Variants in RASAL1 observed in about 807,000 individuals in gnomAD.
RASAL1 encodes the protein rasGAP-activating-like protein 1.
RASAL1 carries 72 observed loss-of-function variants against 96.6 expected under a neutral mutation model. That is an observed-to-expected ratio of 0.75 (90% CI 0.62 to 0.91). The LOEUF is 0.91. RASAL1 is among the 40% of genes least tolerant of loss of function. The pLI is 0.00. For missense variants in RASAL1, 1,016 were observed against 1,072.5 expected, an observed-to-expected ratio of 0.95 and a Z score of 0.74; for synonymous variants, 405 against 430.4, an observed-to-expected ratio of 0.94 and a Z score of 0.73.
chr12:113,105,797 G>A lies in RASAL1; in HGVS notation c.1747C>T (p.Leu583=). Reference sequence around the variant, plus strand: ...TTCTTGAAGGCAAAGCGCGTGGCCAGGCCGGCAGGCTCCTCCTTGCGCTTC... The same window carrying A: ...TTCTTGAAGGCAAAGCGCGTGGCCAAGCCGGCAGGCTCCTCCTTGCGCTTC... ...LLKRKEEPAG[L]ATRFAFKKRY... Residue 583 remains leucine (L), a synonymous_variant, in exon 16 of 21, where the codon CTG becomes TTG. Coordinates refer to ENST00000548055, the MANE Select transcript of RASAL1 (RefSeq NM_001301202.2). 6.2e-7 allele frequency: 1 copy of A among 1,614,198 alleles called. No individual in the cohort carries two copies. Among genetic ancestry groups the A allele is most frequent in the Non-Finnish European group, 8.5e-7 (1 of 1,180,022 alleles).
At position 113,122,601 on chromosome 12, in the gene RASAL1, A is replaced by AGGCAGGAGCCACTATGCCCAG. The variant is rs550525896; in HGVS notation, c.299-984_299-964dup. ...TGGCCTCCCAAAGTTCTGGGATTAC[A>AGGCAGGAGCCACTATGCCCAG]GGCAGGAGCCACTATGCCCAGGCTT... On this transcript the variant is annotated intron_variant, in intron 4 of 20. Transcript: ENST00000548055. Among the ~76,000 whole-genome samples, 610 of 152,336 alleles carry AGGCAGGAGCCACTATGCCCAG rather than the reference A, an allele frequency of 4.0e-3. 4 individuals are homozygous for AGGCAGGAGCCACTATGCCCAG. The highest frequency in any genetic ancestry group is 0.014 in the African/African-American group (573 of 41,556).
At chr12:113,131,090 G>A (rs1951691365) in intron 1 of RASAL1, 149 bp from the exon 2 acceptor site, 1 of 617,750 alleles carries the variant, frequency 1.6e-6, no homozygotes, top group Non-Finnish European at 2.9e-6. Context: ...CTCAGAAGTA[G>A]AACCTTAGGG....
intron 16 of RASAL1, 133 bp downstream of exon 16, chr12:113,105,581 G>T: frequency 1.0e-6 from 1 of 977,350 alleles, no homozygotes; most frequent in Non-Finnish European, 1.5e-6. Context: ...CTGAGAGTTT[G>T]TCGTTGTTAA....
chr12:113,121,458 C>T (rs1951291009), intron 5 of RASAL1, 51 bp downstream of exon 5: 3 of 1,608,892 alleles, frequency 1.9e-6, no homozygotes, highest in Non-Finnish European at 2.5e-6. Flanking sequence ...ACCCAGGGGA[C>T]TCCTGCTCAT....
rs112977155 is a variant in RASAL1, at chr12:113,104,904, A to C, written c.1831-606T>G. Among the ~76,000 whole-genome samples the C allele has an allele frequency of 2.6e-3, 399 of 152,344 alleles. 2 individuals are homozygous for C. Among genetic ancestry groups the C allele is most frequent in the African/African-American group, 9.2e-3 (381 of 41,586 alleles). On this transcript the variant is annotated intron_variant, in intron 16 of 20. Transcript: ENST00000548055. ...CGATTCCAAGCACTTTACATTGATC[A>C]ACTTATTTAATTATCACAACAAACT...
At chr12:113,122,682 A>G (rs1951341962) in intron 4 of RASAL1, among the ~76,000 whole-genome samples, 1 of 152,180 alleles carries the variant, frequency 6.6e-6, no homozygotes, top group Non-Finnish European at 1.5e-5. Flanking sequence ...GTTTCATCAC[A>G]ATGTGTCTAG....
chr12:113,126,065 A>T (rs1179845959), intron 4 of RASAL1, among the ~76,000 whole-genome samples: 1 of 152,136 alleles, frequency 6.6e-6, no homozygotes, highest in Non-Finnish European at 1.5e-5. Flanking sequence ...CAGATGGATC[A>T]CTCGAAGTCA....
chr12:113,099,909 G>A lies in RASAL1; in HGVS notation c.*20C>T, dbSNP rs144567747. ...CCCCCTGGCTCTTGCTCCTCCTTCC[G>A]GGCTAGCTCTGGCATTTCCTTAGGG... On this transcript the variant is annotated 3_prime_UTR_variant, in exon 21 of 21. Coordinates refer to ENST00000548055, the MANE Select transcript of RASAL1 (RefSeq NM_001301202.2). 6.4e-5 allele frequency: 102 copies of A among 1,601,358 alleles called. No homozygotes were observed. The highest frequency in any genetic ancestry group is 1.3e-4 in the East Asian group (6 of 44,626).
chr12:113,124,548 T>C (rs1951414871), intron 4 of RASAL1, among the ~76,000 whole-genome samples: 1 of 152,220 alleles, frequency 6.6e-6, no homozygotes, highest in African/African-American at 2.4e-5. Context: ...GGGAGGATGT[T>C]TGAGGTACAC....
intron 13 of RASAL1, among the ~76,000 whole-genome samples, chr12:113,109,036 TGTGTGTG>T (rs769496658): frequency 0.36 from 15,568 of 43,848 alleles, 988 homozygotes; most frequent in Middle Eastern, 0.46. Flanking sequence ...TAGGTTTTTT[TGTGTGTG>T]TTTTTTTTTT....
intron 14 of RASAL1, 27 bp from the exon 15 acceptor site, chr12:113,107,268 G>A: frequency 6.4e-7 from 1 of 1,566,626 alleles, no homozygotes; most frequent in Non-Finnish European, 8.7e-7. Flanking sequence ...AGGGATGCCG[G>A]GGCCAAGGTC....
intron 13 of RASAL1, 141 bp from the exon 14 acceptor site, chr12:113,108,363 A>T: frequency 9.3e-7 from 1 of 1,070,566 alleles, no homozygotes; most frequent in Non-Finnish European, 1.3e-6. Flanking sequence ...CGGCTGGCCG[A>T]GGAAGTTTTT....
At position 113,135,178 on chromosome 12, in the gene RASAL1, G is replaced by A. The variant is rs1402410200; in HGVS notation, c.65+220C>T. Among the ~76,000 whole-genome samples, 1 of 151,904 alleles carries A rather than the reference G, an allele frequency of 6.6e-6. No individual in the cohort carries two copies. Among genetic ancestry groups the A allele is most frequent in the Non-Finnish European group, 1.5e-5 (1 of 67,948 alleles). On this transcript the variant is annotated intron_variant, in intron 1 of 20. Coordinates refer to ENST00000548055, the MANE Select transcript of RASAL1 (RefSeq NM_001301202.2). This position sits in a 1 kb window ranked among gnomAD's most constrained non-coding sequence, Gnocchi z 5.7. Reference sequence around the variant, plus strand: ...AAGACACCCCCTCCCCTGCCCGGGGGTGAGGCGGGGCATCTGCTAACTCTA... The same window carrying A: ...AAGACACCCCCTCCCCTGCCCGGGGATGAGGCGGGGCATCTGCTAACTCTA...
chr12:113,102,384 C>T (rs1174894657), intron 18 of RASAL1, among the ~76,000 whole-genome samples: 1 of 152,116 alleles, frequency 6.6e-6, no homozygotes, highest in Non-Finnish European at 1.5e-5. Context: ...GTGGTGAAAT[C>T]CCATCTCTAC....
chr12:113,133,360 G>A (rs1308388069), intron 1 of RASAL1, among the ~76,000 whole-genome samples: 1 of 152,192 alleles, frequency 6.6e-6, no homozygotes, highest in Non-Finnish European at 1.5e-5. Flanking sequence ...TTTGGGCATG[G>A]AGTAGTCAGA....
chr12:113,115,113 G>T lies in RASAL1; in HGVS notation c.1068+87C>A. 7.1e-7 allele frequency: 1 copy of T among 1,409,116 alleles called. No homozygotes were observed. Among genetic ancestry groups the T allele is most frequent in the East Asian group, 2.3e-5 (1 of 43,954 alleles). The allele number at this position is 1,409,116 out of a possible 1,614,324, so 87.3% of individuals were successfully genotyped here. A position where few individuals can be genotyped will look rare whatever the true frequency, so the allele number is the denominator to read the frequency against. The stretch of plus-strand genomic sequence containing the variant: ...GCTCGGCTGCTCAGTGCTGTCTGAA[G>T]CCAGCTAAGTGAGGGAGCCAGGTAG... On this transcript the variant is annotated intron_variant, in intron 11 of 20. Coordinates refer to ENST00000548055, the MANE Select transcript of RASAL1 (RefSeq NM_001301202.2). The surrounding 1 kb of genome is among the most constrained non-coding windows in gnomAD (Gnocchi z 4.1).
intron 13 of RASAL1, among the ~76,000 whole-genome samples, chr12:113,109,581 C>A (rs1950790418): frequency 6.6e-6 from 1 of 152,180 alleles, no homozygotes; most frequent in Non-Finnish European, 1.5e-5. Flanking sequence ...CAGCTCCCCA[C>A]CCACCTCTCA....
At chr12:113,110,923 G>C (rs1166813382) in intron 13 of RASAL1, among the ~76,000 whole-genome samples, 1 of 152,184 alleles carries the variant, frequency 6.6e-6, no homozygotes, top group Non-Finnish European at 1.5e-5. Context: ...TCAAAAGTTA[G>C]TAATAAGTAA....
chr12:113,103,134 TTA>T, intron 18 of RASAL1: 1 of 230,036 alleles, frequency 4.3e-6, no homozygotes, highest in South Asian at 5.4e-5. Context: ...TAATACATCA[TTA>T]TATATTGTAT....
Sources: allele counts gnomAD v4.1 joint callset (sites outside exome capture counted in the v4.1 genomes callset), GRCh38; gene constraint gnomAD v4.1.1; non-coding constraint Gnocchi (gnomAD v3.1); transcripts MANE v1.5; gene names NCBI Gene and HGNC (gene_info 2026-07-23, HGNC 2026-07-21).